PHLDB2: variants seen among roughly 807,000 people sequenced by gnomAD.
The protein encoded by PHLDB2 is pleckstrin homology like domain family B member 2, also known as pleckstrin homology-like domain family B member 2.
A neutral mutation model predicts 123.6 loss-of-function variants in PHLDB2; 71 were observed. That is an observed-to-expected ratio of 0.57 (90% CI 0.47 to 0.70). The LOEUF (loss-of-function observed/expected upper bound fraction) is 0.70. Ranked by LOEUF, PHLDB2 falls within the 30% of genes least tolerant of loss-of-function variation. The pLI is 0.00. For missense variants in PHLDB2, 1,446 were observed against 1,519.5 expected (o/e 0.95, Z 0.80); for synonymous variants, 547 against 541.6 (o/e 1.01, Z -0.14).
chr3:111,738,374 C>T (rs1262421665), intron 1 of PHLDB2, among the ~76,000 whole-genome samples: 1 of 152,196 alleles, frequency 6.6e-6, no homozygotes, highest in African/African-American at 2.4e-5. Context: ...CCAATTTTTA[C>T]ACATCTTGGG....
rs770427796 is a variant in PHLDB2, at chr3:111,969,675, T to C, written c.3316-15T>C. 6.2e-7 allele frequency: 1 copy of C among 1,605,778 alleles called. No homozygotes were observed. Among genetic ancestry groups the C allele is most frequent in the Non-Finnish European group, 8.5e-7 (1 of 1,172,730 alleles). Reference sequence around the variant, plus strand: ...ATAATTAGCTATAGATGCAATGGGTTTTGCACTTTTCCAGGCTCGTCCTTT... The same window carrying C: ...ATAATTAGCTATAGATGCAATGGGTCTTGCACTTTTCCAGGCTCGTCCTTT... On this transcript the variant is annotated splice_polypyrimidine_tract_variant and intron_variant, in intron 15 of 17. Transcript: ENST00000431670.
At chr3:111,746,183 GT>G (rs2059679136) in intron 1 of PHLDB2, among the ~76,000 whole-genome samples, 1 of 152,220 alleles carries the variant, frequency 6.6e-6, no homozygotes, top group Non-Finnish European at 1.5e-5. Flanking sequence ...GAGCGAGTCA[GT>G]GACAATTCAA....
chr3:111,932,628 T>G (rs1480391477), intron 6 of PHLDB2, among the ~76,000 whole-genome samples: 2 of 151,796 alleles, frequency 1.3e-5, no homozygotes, highest in African/African-American at 4.9e-5. Flanking sequence ...GCAAAACCAT[T>G]TCTGGAGTCA....
chr3:111,955,688 A>G (rs1010086797), intron 12 of PHLDB2, among the ~76,000 whole-genome samples: 5 of 152,028 alleles, frequency 3.3e-5, no homozygotes, highest in Non-Finnish European at 5.9e-5. Flanking sequence ...CCTGGGCTCC[A>G]GTGATCTCCC....
At chr3:111,956,530 G>A (rs1269301998) in intron 12 of PHLDB2, among the ~76,000 whole-genome samples, 1 of 152,196 alleles carries the variant, frequency 6.6e-6, no homozygotes, top group African/African-American at 2.4e-5. Context: ...CAGCTCAGAA[G>A]ACTGCAACTT....
chr3:111,925,180 G>A (rs2068747253), intron 5 of PHLDB2, among the ~76,000 whole-genome samples: 1 of 152,124 alleles, frequency 6.6e-6, no homozygotes, highest in African/African-American at 2.4e-5. Context: ...TTTTGGCTCT[G>A]AAGATTGGTC....
At chr3:111,782,833 TC>T in intron 1 of PHLDB2, among the ~76,000 whole-genome samples, 1 of 152,248 alleles carries the variant, frequency 6.6e-6, no homozygotes, top group South Asian at 2.1e-4. Context: ...TTATTTTTGT[TC>T]TCAGGCTATT....
At chr3:111,808,560 C>T (rs1308881959) in intron 1 of PHLDB2, among the ~76,000 whole-genome samples, 1 of 151,432 alleles carries the variant, frequency 6.6e-6, no homozygotes, top group African/African-American at 2.4e-5. Flanking sequence ...CATGGGTATA[C>T]TGCGTGGTGC....
intron 1 of PHLDB2, among the ~76,000 whole-genome samples, chr3:111,806,211 T>C (rs1005851272): frequency 8.5e-5 from 13 of 152,136 alleles, no homozygotes; most frequent in Non-Finnish European, 1.9e-4. Context: ...CCATTGTAAG[T>C]GTACAATTAT....
chr3:111,920,254 ACTT>A (rs1559903836), intron 4 of PHLDB2, 25 bp from the exon 5 acceptor site: 3 of 1,601,798 alleles, frequency 1.9e-6, no homozygotes, highest in Non-Finnish European at 2.6e-6. Flanking sequence ...AAGGTGAAAC[ACTT>A]CTGAGCTTTG....
chr3:111,976,483 GTTTACACAGATACATTTA>G lies in PHLDB2; in HGVS notation c.*1923_*1940del, dbSNP rs1273276622. ...AAACTCTGACATCATATTGTTGTCT[GTTTACACAGATACATTTA>G]TTGCTGGGGATTGCAAGGAGTGTGT... On this transcript the variant is annotated 3_prime_UTR_variant, in exon 18 of 18. Transcript: ENST00000431670. 2 of 152,044 alleles carry G rather than the reference GTTTACACAGATACATTTA, an allele frequency of 1.3e-5. No homozygotes were observed. Among genetic ancestry groups the G allele is most frequent in the Non-Finnish European group, 2.9e-5 (2 of 68,014 alleles). 9.4% of individuals were successfully genotyped at this position (152,044 alleles called of 1,614,324 possible).
chr3:111,802,578 T>C (rs2108275178), intron 1 of PHLDB2, among the ~76,000 whole-genome samples: 1 of 152,364 alleles, frequency 6.6e-6, no homozygotes, highest in Admixed American at 6.5e-5. Flanking sequence ...AAATGCTTGA[T>C]ATTTGTCCCT....
In PHLDB2 at chr3:111,913,595, A is replaced by G. The variant is rs1388231242; in HGVS notation, c.1612A>G (p.Thr538Ala). Residue 538 changes from threonine to alanine, a missense_variant, in exon 3 of 18, where the codon ACC (threonine) becomes GCC (alanine). Thr to Ala is a moderately conservative substitution (Grantham distance 58). Coordinates refer to ENST00000431670, the MANE Select transcript of PHLDB2 (RefSeq NM_001134438.2). ...SSASFFTPRSTRNDELLSDLT... is the reference protein window; with the variant it reads ...SSASFFTPRSARNDELLSDLT... ...TGCCAGCTTCTTTACCCCCAGGAGC[A>G]CCAGGAATGATGAACTACTCAGTGA... The G allele has an allele frequency of 2.5e-6, 4 of 1,614,040 alleles. No individual in the cohort carries two copies. Among genetic ancestry groups the G allele is most frequent in the Non-Finnish European group, 3.4e-6 (4 of 1,180,038 alleles).
chr3:111,943,110 A>C (rs905565146), intron 8 of PHLDB2, among the ~76,000 whole-genome samples: 2 of 152,160 alleles, frequency 1.3e-5, no homozygotes, highest in Non-Finnish European at 2.9e-5. Context: ...AACGAGAACA[A>C]AGTTGGAGGA....
intron 1 of PHLDB2, among the ~76,000 whole-genome samples, chr3:111,866,123 A>G (rs2065068798): frequency 7.1e-6 from 1 of 141,050 alleles, no homozygotes; most frequent in Non-Finnish European, 1.5e-5. Flanking sequence ...GGTTCAAGTG[A>G]TTATCCTGCC....
rs374547310 is a variant in PHLDB2 at position 111,893,073 on chromosome 3, A to G, written c.1335+7661A>G. On this transcript the variant is annotated intron_variant, in intron 2 of 17. Coordinates refer to ENST00000431670, the MANE Select transcript of PHLDB2 (RefSeq NM_001134438.2). ...TCTCTATTTGCTTCTTGCTGTCTCT[A>G]TTTCCTAGTGAGTCCTGACCACCCC... Among the ~76,000 whole-genome samples the G allele has an allele frequency of 4.3e-5, 6 of 138,408 alleles. No homozygotes were observed. The East Asian group carries it at 1.2e-3, about 28-fold the overall frequency. 90.8% of individuals were successfully genotyped at this position (138,408 alleles called of 152,430 possible).
intron 1 of PHLDB2, among the ~76,000 whole-genome samples, chr3:111,834,256 AAT>A (rs2063285334): frequency 3.3e-5 from 4 of 121,016 alleles, no homozygotes; most frequent in Non-Finnish European, 6.7e-5. Context: ...TTATATATAT[AAT>A]TCTATTATAT....
intron 2 of PHLDB2, among the ~76,000 whole-genome samples, chr3:111,890,397 C>T (rs1174680492): frequency 6.6e-6 from 1 of 152,236 alleles, no homozygotes; most frequent in African/African-American, 2.4e-5. Context: ...TCTGGGCATC[C>T]AGCCCATGAG....
rs546300738 is a variant in PHLDB2 at position 111,813,989 on chromosome 3, G to A, written c.-48-31832G>A. On this transcript the variant is annotated intron_variant, in intron 1 of 17. Transcript: ENST00000393923. ...AAAATGCTCAATATTTGCTAAGAGG[G>A]AGATCTTAATTCAACTCCCACAGTG... Among the ~76,000 whole-genome samples, 6 of 152,284 alleles carry A rather than the reference G, an allele frequency of 3.9e-5. No individual in the cohort carries two copies. In the South Asian group the frequency reaches 6.2e-4, roughly 16 times the overall value.
Sources: allele counts gnomAD v4.1 joint callset (sites outside exome capture counted in the v4.1 genomes callset), GRCh38; gene constraint gnomAD v4.1.1; transcripts MANE v1.5; gene names NCBI Gene and HGNC (gene_info 2026-07-23, HGNC 2026-07-21).